Variants in CDK18 observed in about 807,000 individuals in gnomAD.
CDK18 encodes cyclin dependent kinase 18.
CDK18 carries 52 observed loss-of-function variants against 62.0 expected under a neutral mutation model. The ratio of observed to expected loss-of-function variants is 0.84; its 90% confidence interval spans 0.67 to 1.06. The LOEUF (loss-of-function observed/expected upper bound fraction) is 1.06, where lower values mean the gene tolerates loss of function less well. Ranked by LOEUF, CDK18 falls within the 50% of genes least tolerant of loss-of-function variation. CDK18 has a pLI of 0.00. For missense variants in CDK18, 604 were observed against 619.9 expected, an observed-to-expected ratio of 0.97 and a Z score of 0.27; for synonymous variants, 237 against 247.0, an observed-to-expected ratio of 0.96 and a Z score of 0.38.
At chr1:205,505,415 A>G (rs1251701782) in intron 1 of CDK18, among the ~76,000 whole-genome samples, 1 of 151,766 alleles carries the variant, frequency 6.6e-6, no homozygotes, top group Non-Finnish European at 1.5e-5. Flanking sequence ...GGGTCTGGGG[A>G]ATGCTGCTGC....
chr1:205,518,552 A>C (rs532394879), intron 1 of CDK18, among the ~76,000 whole-genome samples: 85 of 152,326 alleles, frequency 5.6e-4, no homozygotes, highest in African/African-American at 1.9e-3. Context: ...GGAGGGCTCC[A>C]GGTAGGAGAA....
chr1:205,513,044 C>T (rs1667643600), intron 1 of CDK18, among the ~76,000 whole-genome samples: 1 of 152,218 alleles, frequency 6.6e-6, no homozygotes, highest in South Asian at 2.1e-4. Flanking sequence ...CTCTTCTTTT[C>T]TTCTCCAATT....
At chr1:205,515,669 G>T (rs1667783365) in intron 1 of CDK18, among the ~76,000 whole-genome samples, 1 of 152,146 alleles carries the variant, frequency 6.6e-6, no homozygotes, top group Non-Finnish European at 1.5e-5. Flanking sequence ...AAACTGCAGA[G>T]AATTTTGGAG....
In CDK18 at chr1:205,529,765, G is replaced by A. The variant is rs771898280; in HGVS notation, c.1221+202G>A. 10 of 1,518,876 alleles carry A rather than the reference G, an allele frequency of 6.6e-6. No individual in the cohort carries two copies. In the South Asian group the frequency reaches 1.2e-4, roughly 18 times the overall value. The allele number at this position is 1,518,876 out of a possible 1,614,324, so 94.1% of individuals were successfully genotyped here. A position where few individuals can be genotyped will look rare whatever the true frequency, so the allele number is the denominator to read the frequency against. On this transcript the variant is annotated intron_variant, in intron 13 of 15. Coordinates refer to ENST00000429964, the MANE Select transcript of CDK18 (RefSeq NM_212502.3). The stretch of plus-strand genomic sequence containing the variant: ...GTCTGTGCACTGCGAGCCCAAACCC[G>A]TTACTTAGCTGTGTAGCTCTGGGCA...
rs549739376 is a variant in CDK18 at position 205,508,213 on chromosome 1, C to T, written c.-22+3417C>T. On this transcript the variant is annotated intron_variant, in intron 1 of 15. Transcript: ENST00000429964. ...TGTCCCACCATAACCCCTTACGTCC[C>T]CTTCCCTGGACTTTTCACCTTTGCC... Among the ~76,000 whole-genome samples, 3 of 152,370 alleles carry T rather than the reference C, an allele frequency of 2.0e-5. No individual in the cohort carries two copies. In the South Asian group the frequency reaches 6.2e-4, roughly 32 times the overall value.
rs1668260972 is a variant in CDK18, at chr1:205,523,607, G to A, written c.255G>A (p.Gln85=). ...TGCAGTTCCAGCGGCGGCAGAACCA[G>A]CGCCGCTTCTCCATGGAGGTAAGGG... The part of the protein sequence containing the change: ...PGVQFQRRQN[Q]RRFSMEDVSK... Residue 85 remains glutamine, a synonymous_variant, in exon 3 of 16, where the codon CAG becomes CAA. Coordinates refer to ENST00000429964, the MANE Select transcript of CDK18 (RefSeq NM_212502.3). 1 of 1,574,666 alleles carries A rather than the reference G, an allele frequency of 6.4e-7. No homozygotes were observed. Among genetic ancestry groups the A allele is most frequent in the African/African-American group, 1.3e-5 (1 of 74,152 alleles).
At chr1:205,529,614 C>A in intron 13 of CDK18, 51 bp downstream of exon 13, 1 of 1,612,962 alleles carries the variant, frequency 6.2e-7, no homozygotes. Context: ...AGAGCCAGGT[C>A]CCTGTGCCCC....
Position 205,528,287 on chromosome 1 carries a change from C to T in CDK18, c.974+119C>T, listed in dbSNP as rs1192165444. On this transcript the variant is annotated intron_variant, in intron 10 of 15. Coordinates refer to ENST00000429964, the MANE Select transcript of CDK18 (RefSeq NM_212502.3). The surrounding 1 kb of genome is among the most constrained non-coding windows in gnomAD (Gnocchi z 4.2). ...TGCCTAACTTCCTTTGCCTAAAAGCCTTGTGACATCCTGCTGAAATGGATG... is the reference window on the plus strand; with the variant it reads ...TGCCTAACTTCCTTTGCCTAAAAGCTTTGTGACATCCTGCTGAAATGGATG... 2 of 1,201,198 alleles carry T rather than the reference C, an allele frequency of 1.7e-6. No individual in the cohort carries two copies. Among genetic ancestry groups the T allele is most frequent in the African/African-American group, 3.0e-5 (2 of 65,678 alleles). 74.4% of individuals were successfully genotyped at this position (1,201,198 alleles called of 1,614,324 possible). A position where few individuals can be genotyped will look rare whatever the true frequency, so the allele number is the denominator to read the frequency against.
At chr1:205,530,116 A>C in intron 13 of CDK18, 143 bp from the exon 14 acceptor site, 1 of 1,464,646 alleles carries the variant, frequency 6.8e-7, no homozygotes, top group Admixed American at 2.4e-5. Flanking sequence ...GGTTTGTGGT[A>C]GGGGCTGGAG....
Position 205,528,681 on chromosome 1 carries a change from G to C in CDK18, c.975-318G>C, listed in dbSNP as rs527762946. ...CTTCCAGTGGGGCACACAGTGGAGA[G>C]AGTTTGAGACAACACTGCTGAGAGA... On this transcript the variant is annotated intron_variant, in intron 10 of 15. Transcript: ENST00000429964. The surrounding 1 kb of genome is among the most constrained non-coding windows in gnomAD (Gnocchi z 4.2). 129 of 340,644 alleles carry C rather than the reference G, an allele frequency of 3.8e-4. No individual in the cohort carries two copies. The highest frequency in any genetic ancestry group is 5.9e-4 in the Non-Finnish European group (110 of 187,794). The allele number at this position is 340,644 out of a possible 1,614,324, so 21.1% of individuals were successfully genotyped here. A position where few individuals can be genotyped will look rare whatever the true frequency, so the allele number is the denominator to read the frequency against.
At chr1:205,505,539 G>T (rs913638905) in intron 1 of CDK18, among the ~76,000 whole-genome samples, 1 of 152,214 alleles carries the variant, frequency 6.6e-6, no homozygotes, top group Admixed American at 6.5e-5. Context: ...GGGCCGGGGG[G>T]AGTGGGCGGT....
intron 15 of CDK18, among the ~76,000 whole-genome samples, chr1:205,531,035 C>T (rs958304226): frequency 6.6e-6 from 1 of 152,232 alleles, no homozygotes; most frequent in African/African-American, 2.4e-5. Flanking sequence ...AGTCAATGGC[C>T]TTGGACATTG....
chr1:205,523,085 G>A (rs1382365433), intron 1 of CDK18, 62 bp from the exon 2 acceptor site: 4 of 1,515,940 alleles, frequency 2.6e-6, no homozygotes, highest in Non-Finnish European at 3.6e-6. Flanking sequence ...TTCCCAGTGG[G>A]TGGAGACCTG....
At chr1:205,515,173 AT>A (rs34027094) in intron 1 of CDK18, among the ~76,000 whole-genome samples, 610 of 117,744 alleles carry the variant, frequency 5.2e-3, no homozygotes, top group South Asian at 0.016. Context: ...GCTTTGAAGG[AT>A]TTTTTTTTTT....
At chr1:205,530,779 G>T (rs1296118461) in intron 15 of CDK18, 74 bp downstream of exon 15, 1 of 1,219,080 alleles carries the variant, frequency 8.2e-7, no homozygotes, top group East Asian at 2.4e-5. Context: ...CCCCAGTGGG[G>T]ACTCCCATGG....
In CDK18 at chr1:205,528,775, T is replaced by G; in HGVS notation, c.975-224T>G. 2.1e-6 allele frequency: 1 copy of G among 466,564 alleles called. No individual in the cohort carries two copies. Among genetic ancestry groups the G allele is most frequent in the South Asian group, 4.9e-5 (1 of 20,288 alleles). The allele number at this position is 466,564 out of a possible 1,614,324, so 28.9% of individuals were successfully genotyped here. ...GTGAAAGGGGACTTTCCTCACAGAG[T>G]GAAAGTCGCAGCTTTCCCGAGCCCA... On this transcript the variant is annotated intron_variant, in intron 10 of 15. Transcript: ENST00000429964. This position sits in a 1 kb window ranked among gnomAD's most constrained non-coding sequence, Gnocchi z 4.2.
chr1:205,523,103 T>C, intron 1 of CDK18, 44 bp from the exon 2 acceptor site: 1 of 1,548,302 alleles, frequency 6.5e-7, no homozygotes, highest in Non-Finnish European at 8.7e-7. Flanking sequence ...CTGGACTGGT[T>C]GCCTTGTTCT....
rs1575077031 is a variant in CDK18 at position 205,528,228 on chromosome 1, C to T, written c.974+60C>T. 3 of 1,579,744 alleles carry T rather than the reference C, an allele frequency of 1.9e-6. No individual in the cohort carries two copies. The highest frequency in any genetic ancestry group is 4.5e-5 in the East Asian group (2 of 44,218). ...ACAGGCCTGGCCACACCTCCAGACT[C>T]TCCTTTGCTTCCCCAAGGGCCTCGG... On this transcript the variant is annotated intron_variant, in intron 10 of 15. Transcript: ENST00000429964. This position sits in a 1 kb window ranked among gnomAD's most constrained non-coding sequence, Gnocchi z 4.2.
rs569695440 is a variant in CDK18, at chr1:205,523,517, G to A, written c.165G>A (p.Pro55=). The A allele has an allele frequency of 1.7e-5, 28 of 1,605,580 alleles. 1 individual carries two copies. The highest frequency in any genetic ancestry group is 3.3e-4 in the Middle Eastern group (2 of 6,050). ...LQLGPLGRDP[P]QECSTFSPTD... Reference sequence around the variant, plus strand: ...TCGGTCCTCTTGGCAGAGACCCCCCGCAGGAGTGCAGCACCTTCTCCCCAA... The same window carrying A: ...TCGGTCCTCTTGGCAGAGACCCCCCACAGGAGTGCAGCACCTTCTCCCCAA... The change falls in exon 3 of 16, where the codon CCG becomes CCA. Residue 55 remains proline (P), a synonymous_variant. Transcript: ENST00000429964.
Sources: allele counts gnomAD v4.1 joint callset (sites outside exome capture counted in the v4.1 genomes callset), GRCh38; gene constraint gnomAD v4.1.1; non-coding constraint Gnocchi (gnomAD v3.1); transcripts MANE v1.5; gene names NCBI Gene and HGNC (gene_info 2026-07-23, HGNC 2026-07-21).